The following SYT1 variants were observed in gnomAD, a reference collection of about 807,000 sequenced individuals.
The protein encoded by SYT1 is synaptotagmin-1.
SYT1 carries 8 observed loss-of-function variants against 44.8 expected under a neutral mutation model. The ratio of observed to expected loss-of-function variants is 0.18; its 90% CI spans 0.10 to 0.32. SYT1 has a LOEUF of 0.32. Among genes scored for constraint, SYT1 ranks in the 10% least tolerant of loss-of-function variants. The pLI, the probability that SYT1 is intolerant of heterozygous loss-of-function variation, is 1.00. For synonymous variants in SYT1, 154 were observed against 188.8 expected, an observed-to-expected ratio of 0.82 and a Z score of 1.51; for missense variants, 286 against 509.3, an observed-to-expected ratio of 0.56 and a Z score of 4.22.
chr12:79,299,132 C>T (rs1428842364), intron 7 of SYT1, among the ~76,000 whole-genome samples: 1 of 151,936 alleles, frequency 6.6e-6, no homozygotes, highest in Admixed American at 6.6e-5. Flanking sequence ...CAGCAGGATC[C>T]ATTATTAATA....
At chr12:79,060,358 T>C (rs1875288951) in intron 3 of SYT1, among the ~76,000 whole-genome samples, 1 of 152,034 alleles carries the variant, frequency 6.6e-6, no homozygotes, top group Admixed American at 6.6e-5. Context: ...CATTTGAAAG[T>C]ATACAGCTCA....
At chr12:79,146,426 T>G (rs1163615383) in intron 3 of SYT1, among the ~76,000 whole-genome samples, 1 of 152,184 alleles carries the variant, frequency 6.6e-6, no homozygotes, top group Non-Finnish European at 1.5e-5. Context: ...CCTAAGAAAG[T>G]TCATTACCTT....
chr12:79,222,613 C>T (rs559282822), intron 4 of SYT1, among the ~76,000 whole-genome samples: 81 of 152,246 alleles, frequency 5.3e-4, no homozygotes, highest in African/African-American at 1.9e-3. Flanking sequence ...GAACTCCTGA[C>T]CTCGGGTGAT....
At chr12:79,128,850 C>G (rs1160047459) in intron 3 of SYT1, among the ~76,000 whole-genome samples, 1 of 152,210 alleles carries the variant, frequency 6.6e-6, no homozygotes, top group East Asian at 1.9e-4. Flanking sequence ...GTCAGTTCTT[C>G]CTACTCCTTG....
intron 4 of SYT1, among the ~76,000 whole-genome samples, chr12:79,267,105 A>C (rs1878176464): frequency 6.6e-6 from 1 of 152,048 alleles, no homozygotes; most frequent in Non-Finnish European, 1.5e-5. Context: ...GTAGTGGAGG[A>C]AAAAAAATCC....
chr12:79,026,972 G>A (rs181212124), intron 2 of SYT1, among the ~76,000 whole-genome samples: 53 of 151,552 alleles, frequency 3.5e-4, no homozygotes, highest in African/African-American at 1.2e-3. Context: ...AAATGCTACA[G>A]CCGTTATAGA....
At chr12:78,912,399 G>A (rs763685519) in intron 1 of SYT1, among the ~76,000 whole-genome samples, 5 of 152,004 alleles carry the variant, frequency 3.3e-5, no homozygotes, top group Middle Eastern at 3.4e-3. Context: ...AGCATTGAGA[G>A]GACAGGTATG....
At chr12:79,277,508 G>A (rs1282290193) in intron 4 of SYT1, among the ~76,000 whole-genome samples, 4 of 152,058 alleles carry the variant, frequency 2.6e-5, no homozygotes, top group African/African-American at 7.2e-5. Flanking sequence ...TACAAGAAAT[G>A]CTCAAAGGAA....
At chr12:79,152,474 C>G (rs938798776) in intron 3 of SYT1, among the ~76,000 whole-genome samples, 6 of 151,908 alleles carry the variant, frequency 3.9e-5, no homozygotes, top group Non-Finnish European at 8.8e-5. Flanking sequence ...CCAGCTATCA[C>G]GGAGATTGTT....
chr12:78,987,407 GC>G (rs1357237129), intron 2 of SYT1, among the ~76,000 whole-genome samples: 2 of 151,988 alleles, frequency 1.3e-5, no homozygotes, highest in Non-Finnish European at 2.9e-5. Flanking sequence ...CGCAGGCTAT[GC>G]CCAGAACATT....
intron 9 of SYT1, among the ~76,000 whole-genome samples, chr12:79,363,241 A>C (rs1262632836): frequency 6.6e-6 from 1 of 152,048 alleles, no homozygotes; most frequent in Non-Finnish European, 1.5e-5. Flanking sequence ...CTTTCAGGAG[A>C]TATTTGGGAG....
intron 8 of SYT1, among the ~76,000 whole-genome samples, chr12:79,316,984 AT>A (rs758485456): frequency 1.3e-5 from 2 of 152,222 alleles, no homozygotes; most frequent in Non-Finnish European, 2.9e-5. Context: ...AAAATGTAAA[AT>A]AAATTATATA....
At chr12:78,867,202 A>T (rs1347504367) in intron 1 of SYT1, among the ~76,000 whole-genome samples, 2 of 152,160 alleles carry the variant, frequency 1.3e-5, no homozygotes, top group Non-Finnish European at 2.9e-5. Flanking sequence ...ACATGAAAAG[A>T]TGTACAAAAA....
chr12:79,274,985 T>C (rs2138785146), intron 4 of SYT1, among the ~76,000 whole-genome samples: 1 of 152,192 alleles, frequency 6.6e-6, no homozygotes, highest in East Asian at 1.9e-4. Context: ...CTTGTCCAGC[T>C]CCACCCACCA....
At chr12:79,082,686 T>C (rs916143456) in intron 3 of SYT1, among the ~76,000 whole-genome samples, 1 of 152,182 alleles carries the variant, frequency 6.6e-6, no homozygotes, top group Non-Finnish European at 1.5e-5. Flanking sequence ...GCCAATCAGC[T>C]GCTAAGGCCT....
chr12:79,144,351 C>A (rs576934917), intron 3 of SYT1, among the ~76,000 whole-genome samples: 3 of 152,276 alleles, frequency 2.0e-5, no homozygotes, highest in South Asian at 2.1e-4. Flanking sequence ...GCTATCAGTC[C>A]CAGGGCTCAA....
At chr12:79,447,829 C>T (rs1870820869) in intron 10 of SYT1, among the ~76,000 whole-genome samples, 1 of 152,168 alleles carries the variant, frequency 6.6e-6, no homozygotes, top group Non-Finnish European at 1.5e-5. Context: ...ATATCAATGA[C>T]ATTTCTCATT....
chr12:79,310,351 G>C (rs1371703039), intron 8 of SYT1, among the ~76,000 whole-genome samples: 4 of 151,952 alleles, frequency 2.6e-5, no homozygotes, highest in Admixed American at 1.3e-4. Flanking sequence ...ATTTCTGAGG[G>C]CTCTGTTCTG....
chr12:79,052,660 G>GA (rs1280947345), intron 3 of SYT1, among the ~76,000 whole-genome samples: 1 of 139,626 alleles, frequency 7.2e-6, no homozygotes, highest in Admixed American at 7.3e-5. Flanking sequence ...AAATTTACAA[G>GA]AAAAAAACAA....
Sources: gnomAD v4.1 joint callset for allele counts (sites outside exome capture counted in the v4.1 genomes callset) on GRCh38, gnomAD v4.1.1 for gene constraint, MANE v1.5 for transcripts, NCBI Gene and HGNC (gene_info 2026-07-23, HGNC 2026-07-21) for gene names.